C1GALT1: variants seen among roughly 807,000 people sequenced by gnomAD.
The protein encoded by C1GALT1 is core 1 synthase, glycoprotein-N-acetylgalactosamine 3-beta-galactosyltransferase 1.
C1GALT1 carries 11 observed loss-of-function variants against 31.0 expected under a neutral mutation model. That is an observed-to-expected ratio of 0.36 (90% CI 0.22 to 0.59). The LOEUF (loss-of-function observed/expected upper bound fraction) is 0.59. C1GALT1 is among the 20% of genes least tolerant of loss of function. C1GALT1 has a pLI of 0.79. For synonymous variants in C1GALT1, 175 were observed against 143.6 expected (o/e 1.22, Z -1.56); for missense variants, 424 against 425.2 (o/e 1.00, Z 0.03).
chr7:7,226,805 A>G (rs1782781196), intron 1 of C1GALT1, among the ~76,000 whole-genome samples: 1 of 152,232 alleles, frequency 6.6e-6, no homozygotes, highest in Admixed American at 6.5e-5. Context: ...AGTTTAATGT[A>G]GATCCAGGAT....
At chr7:7,237,033 C>T (rs1783392264) in intron 2 of C1GALT1, among the ~76,000 whole-genome samples, 1 of 152,056 alleles carries the variant, frequency 6.6e-6, no homozygotes, top group South Asian at 2.1e-4. Flanking sequence ...TCATTCTGGT[C>T]CTATAACTAA....
intron 1 of C1GALT1, among the ~76,000 whole-genome samples, chr7:7,201,657 G>T (rs540990561): frequency 8.5e-5 from 13 of 152,334 alleles, no homozygotes; most frequent in African/African-American, 3.1e-4. Flanking sequence ...CGAAAGGCCA[G>T]TGCCACTCCC....
chr7:7,162,610 T>G (rs904719147), intron 2 of C1GALT1, among the ~76,000 whole-genome samples: 9 of 152,086 alleles, frequency 5.9e-5, no homozygotes, highest in Non-Finnish European at 1.3e-4. Flanking sequence ...GCATGATTTA[T>G]AGTCTTTTGG....
At chr7:7,209,068 A>G (rs1781876831) in intron 1 of C1GALT1, among the ~76,000 whole-genome samples, 1 of 152,194 alleles carries the variant, frequency 6.6e-6, no homozygotes, top group African/African-American at 2.4e-5. Flanking sequence ...TAACTTAATC[A>G]TGGATTCTTC....
At chr7:7,223,642 T>A (rs1257026258) in intron 1 of C1GALT1, among the ~76,000 whole-genome samples, 2 of 152,300 alleles carry the variant, frequency 1.3e-5, no homozygotes, top group East Asian at 3.9e-4. Flanking sequence ...CTTTGTAGCA[T>A]TTTTCTTTTC....
At chr7:7,186,671 C>T (rs901413335) in intron 1 of C1GALT1, among the ~76,000 whole-genome samples, 1 of 152,056 alleles carries the variant, frequency 6.6e-6, no homozygotes, top group Non-Finnish European at 1.5e-5. Context: ...AAAGTAAAGA[C>T]CTGAAGGAGT....
intron 1 of C1GALT1, among the ~76,000 whole-genome samples, chr7:7,226,936 G>GTA (rs748882904): frequency 5.3e-5 from 8 of 152,006 alleles, no homozygotes; most frequent in South Asian, 2.1e-4. Flanking sequence ...ATGTATATGT[G>GTA]TATATATATA....
intron 1 of C1GALT1, among the ~76,000 whole-genome samples, chr7:7,196,884 A>G (rs1034183466): frequency 3.9e-5 from 6 of 152,100 alleles, no homozygotes; most frequent in Non-Finnish European, 8.8e-5. Flanking sequence ...ACCTGTTCAT[A>G]TCCTTTTCCC....
At chr7:7,234,176 T>G in intron 1 of C1GALT1, 127 bp from the exon 2 acceptor site, 1 of 689,032 alleles carries the variant, frequency 1.5e-6, no homozygotes, top group Non-Finnish European at 2.4e-6. Context: ...AGGGGTAAAC[T>G]CATAGATAAT....
At chr7:7,169,521 T>A (rs2128227200) in intron 2 of C1GALT1, among the ~76,000 whole-genome samples, 1 of 152,192 alleles carries the variant, frequency 6.6e-6, no homozygotes, top group South Asian at 2.1e-4. Context: ...CAACACTTGT[T>A]ATTTTCTGTT....
At chr7:7,168,292 G>C (rs1562552325) in intron 2 of C1GALT1, among the ~76,000 whole-genome samples, 1 of 152,212 alleles carries the variant, frequency 6.6e-6, no homozygotes, top group African/African-American at 2.4e-5. Context: ...GGCCAGCCTA[G>C]AGCAGGAGGA....
At chr7:7,210,207 G>A (rs1384113992) in intron 1 of C1GALT1, among the ~76,000 whole-genome samples, 3 of 151,712 alleles carry the variant, frequency 2.0e-5, no homozygotes, top group Non-Finnish European at 4.4e-5. Flanking sequence ...ACAAAAAGTT[G>A]TTCTGACTTT....
At chr7:7,163,929 C>T (rs1207748910) in intron 2 of C1GALT1, among the ~76,000 whole-genome samples, 1 of 151,862 alleles carries the variant, frequency 6.6e-6, no homozygotes, top group African/African-American at 2.4e-5. Context: ...CCCCATCAAG[C>T]TACCAATGAC....
At chr7:7,210,625 G>C (rs1384682817) in intron 1 of C1GALT1, 1 of 152,214 alleles carries the variant, frequency 6.6e-6, no homozygotes, top group Non-Finnish European at 1.5e-5. Flanking sequence ...ATAGGGCTCC[G>C]GGGATTGGGT....
intron 2 of C1GALT1, among the ~76,000 whole-genome samples, chr7:7,237,375 A>G (rs545042129): frequency 1.1e-4 from 16 of 152,316 alleles, no homozygotes; most frequent in Middle Eastern, 3.4e-3. Context: ...AATCAGTTTT[A>G]CGCTCACTGC....
At chr7:7,225,813 A>G (rs1050535261) in intron 1 of C1GALT1, among the ~76,000 whole-genome samples, 2 of 152,220 alleles carry the variant, frequency 1.3e-5, no homozygotes, top group African/African-American at 4.8e-5. Flanking sequence ...AAATAGAGCA[A>G]AAGCGGTTTC....
intron 1 of C1GALT1, among the ~76,000 whole-genome samples, chr7:7,225,732 A>C (rs892699131): frequency 1.1e-4 from 16 of 152,220 alleles, no homozygotes; most frequent in Admixed American, 1.0e-3. Context: ...CTCAGCAAAC[A>C]TTAACATCCT....
intron 3 of C1GALT1, among the ~76,000 whole-genome samples, chr7:7,241,259 T>C (rs769929227): frequency 6.6e-6 from 1 of 152,034 alleles, no homozygotes; most frequent in Non-Finnish European, 1.5e-5. Context: ...TGTTAACTAA[T>C]TATTCTACTA....
At chr7:7,159,862 A>G (rs947906544) in intron 2 of C1GALT1, among the ~76,000 whole-genome samples, 1 of 152,170 alleles carries the variant, frequency 6.6e-6, no homozygotes, top group African/African-American at 2.4e-5. Context: ...TCATAAAAAC[A>G]TACTTAACAT....
Sources: gnomAD v4.1 joint callset for allele counts (sites outside exome capture counted in the v4.1 genomes callset) on GRCh38, gnomAD v4.1.1 for gene constraint, MANE v1.5 for transcripts, NCBI Gene and HGNC (gene_info 2026-07-23, HGNC 2026-07-21) for gene names.